The following VPS37A variants were observed in gnomAD, a reference collection of about 807,000 sequenced individuals.
The protein encoded by VPS37A is VPS37A subunit of ESCRT-I.
In VPS37A, 30 loss-of-function variants were observed where a neutral mutation model predicts 49.8. The observed-to-expected ratio is 0.60, with a 90% CI of 0.45 to 0.82. VPS37A has a LOEUF of 0.82. VPS37A is among the 40% of genes least tolerant of loss of function. The pLI is 0.00. For synonymous variants in VPS37A, 195 were observed against 160.6 expected (o/e 1.21, Z -1.62); for missense variants, 593 against 464.4 (o/e 1.28, Z -2.55).
At chr8:17,265,765 C>G in intron 1 of VPS37A, 142 bp from the exon 2 acceptor site, 1 of 1,536,716 alleles carries the variant, frequency 6.5e-7, no homozygotes. Flanking sequence ...TTTCCTTCCC[C>G]TCAAGATACA....
intron 1 of VPS37A, among the ~76,000 whole-genome samples, chr8:17,264,441 G>A (rs1023908532): frequency 6.6e-6 from 1 of 152,158 alleles, no homozygotes; most frequent in African/African-American, 2.4e-5. Context: ...CAGAAAAACT[G>A]TTCAAGTCCT....
At chr8:17,266,211 C>T (rs1428048691) in intron 2 of VPS37A, among the ~76,000 whole-genome samples, 1 of 152,038 alleles carries the variant, frequency 6.6e-6, no homozygotes, top group Non-Finnish European at 1.5e-5. Flanking sequence ...AATACTAATT[C>T]TGAGTACTGT....
At chr8:17,332,596 A>G in the VPS37A span, among the ~76,000 whole-genome samples, 3 of 152,176 alleles carry the variant, frequency 2.0e-5, no homozygotes, top group South Asian at 2.1e-4. Context: ...TGCATGGCAA[A>G]CTGGGAGCTG....
chr8:17,281,615 A>T (rs1274676774), intron 9 of VPS37A, among the ~76,000 whole-genome samples: 1 of 152,064 alleles, frequency 6.6e-6, no homozygotes, highest in African/African-American at 2.4e-5. Flanking sequence ...ACTGCTGTTT[A>T]ACGTTGTTTG....
chr8:17,279,364 GCT>G (rs1814818951), intron 6 of VPS37A, among the ~76,000 whole-genome samples: 1 of 152,076 alleles, frequency 6.6e-6, no homozygotes, highest in South Asian at 2.1e-4. Flanking sequence ...CCTCTTTTCA[GCT>G]CTGTTTCCCT....
At chr8:17,299,357 A>G (rs1215466845), downstream of VPS37A, 2 of 153,304 alleles carry the variant, frequency 1.3e-5, no homozygotes, top group Non-Finnish European at 2.9e-5. Context: ...TTAGGAATGC[A>G]TCTATTAACT....
At chr8:17,281,447 A>G (rs1278566565) in intron 9 of VPS37A, among the ~76,000 whole-genome samples, 4 of 152,052 alleles carry the variant, frequency 2.6e-5, no homozygotes, top group African/African-American at 7.2e-5. Context: ...AAGCTTTCAT[A>G]GTACTCAACA....
At chr8:17,247,571 C>T (rs1217806774) in intron 1 of VPS37A, 2 of 763,350 alleles carry the variant, frequency 2.6e-6, no homozygotes, top group South Asian at 2.9e-5. Flanking sequence ...TCCTGCCGCA[C>T]CACTGCTCAG....
intron 1 of VPS37A, among the ~76,000 whole-genome samples, chr8:17,262,573 ATGTGTGTGTG>A (rs139230717): frequency 2.7e-5 from 4 of 147,458 alleles, no homozygotes; most frequent in East Asian, 4.0e-4. Context: ...ACTTTAAAGT[ATGTGTGTGTG>A]TGTGTGTGTG....
intron 5 of VPS37A, 22 bp downstream of exon 5, chr8:17,274,980 T>C (rs1814378697): frequency 5.0e-6 from 8 of 1,602,270 alleles, no homozygotes; most frequent in Non-Finnish European, 6.8e-6. Context: ...CAGTTATCTA[T>C]ATTTTGTGCC....
At chr8:17,261,645 C>T (rs747475854) in intron 1 of VPS37A, among the ~76,000 whole-genome samples, 35 of 152,154 alleles carry the variant, frequency 2.3e-4, no homozygotes, top group Admixed American at 4.6e-4. Flanking sequence ...TGTAAGGTTT[C>T]TGCCTCCTTT....
At position 17,297,275 on chromosome 8, in the gene VPS37A, A is replaced by AATC. The variant is rs1306737107; in HGVS notation, c.*2291_*2293dup. 1 of 152,112 alleles carries AATC rather than the reference A, an allele frequency of 6.6e-6. No individual in the cohort carries two copies. Among genetic ancestry groups the AATC allele is most frequent in the Admixed American group, 6.5e-5 (1 of 15,274 alleles). 9.4% of individuals were successfully genotyped at this position (152,112 alleles called of 1,614,324 possible). On this transcript the variant is annotated 3_prime_UTR_variant, in exon 12 of 12. Transcript: ENST00000324849. The stretch of plus-strand genomic sequence containing the variant: ...TTAAAATAGAAGAAAATTCTAAATC[A>AATC]ATCAATCAGTGAGATATAAACTAAA...
the VPS37A span, among the ~76,000 whole-genome samples, chr8:17,314,068 C>T: frequency 6.6e-6 from 1 of 152,270 alleles, no homozygotes; most frequent in African/African-American, 2.4e-5. Context: ...ACAACTAAGG[C>T]AGGTGTATAA....
At chr8:17,304,486 G>A (rs372583977), downstream of VPS37A, 13 of 1,613,864 alleles carry the variant, frequency 8.1e-6, no homozygotes, top group Non-Finnish European at 1.1e-5. Context: ...TCTTCCACAG[G>A]TGAGCCCATA....
the VPS37A span, among the ~76,000 whole-genome samples, chr8:17,323,753 C>A: frequency 6.6e-6 from 1 of 152,180 alleles, no homozygotes; most frequent in Non-Finnish European, 1.5e-5. Flanking sequence ...AAATATCGAA[C>A]TGCCAAACCC....
intron 1 of VPS37A, among the ~76,000 whole-genome samples, chr8:17,258,284 T>G (rs1036016891): frequency 3.3e-5 from 5 of 152,208 alleles, no homozygotes; most frequent in African/African-American, 1.2e-4. Flanking sequence ...AACTGTGGTT[T>G]GTTATATATG....
intron 4 of VPS37A, among the ~76,000 whole-genome samples, chr8:17,272,265 A>T (rs1217204505): frequency 6.6e-6 from 1 of 151,834 alleles, no homozygotes; most frequent in Non-Finnish European, 1.5e-5. Flanking sequence ...CTACTCCCAC[A>T]CTTTAGATTT....
chr8:17,280,486 T>A (rs747662438), intron 9 of VPS37A, 43 bp downstream of exon 9: 3 of 1,548,282 alleles, frequency 1.9e-6, no homozygotes, highest in Non-Finnish European at 2.6e-6. Flanking sequence ...GATTTTTTTT[T>A]TAATCTTATG....
At position 17,247,208 on chromosome 8, in the gene VPS37A, A is replaced by G. The variant is rs767691787; in HGVS notation, c.-37A>G. On this transcript the variant is annotated 5_prime_UTR_variant, in exon 1 of 12. Transcript: ENST00000324849. Reference sequence around the variant, plus strand: ...CGAGCCACTGGGAGAAGCAGGCCAGAGCCTTCCAGGGCCTCCGGCCCGTGG... The same window carrying G: ...CGAGCCACTGGGAGAAGCAGGCCAGGGCCTTCCAGGGCCTCCGGCCCGTGG... 1 of 1,559,758 alleles carries G rather than the reference A, an allele frequency of 6.4e-7. No individual in the cohort carries two copies. The highest frequency in any genetic ancestry group is 2.4e-5 in the East Asian group (1 of 41,596).
Sources: gnomAD v4.1 joint callset for allele counts (sites outside exome capture counted in the v4.1 genomes callset) on GRCh38, gnomAD v4.1.1 for gene constraint, MANE v1.5 for transcripts, NCBI Gene and HGNC (gene_info 2026-07-23, HGNC 2026-07-21) for gene names.